RASGRP1: variants seen among roughly 807,000 people sequenced by gnomAD.
RASGRP1 encodes the protein RAS guanyl releasing protein 1.
In RASGRP1, 37 loss-of-function variants were observed where a neutral mutation model predicts 95.1. The ratio of observed to expected loss-of-function variants is 0.39; its 90% CI spans 0.30 to 0.51. RASGRP1 has a LOEUF of 0.51. Ranked by LOEUF, RASGRP1 falls within the 20% of genes least tolerant of loss-of-function variation. The pLI is 0.80. For missense variants in RASGRP1, 711 were observed against 965.4 expected (o/e 0.74, Z 3.49); for synonymous variants, 325 against 353.4 (o/e 0.92, Z 0.90).
intron 2 of RASGRP1, among the ~76,000 whole-genome samples, chr15:38,557,629 G>A (rs866252160): frequency 6.4e-4 from 95 of 147,448 alleles, no homozygotes; most frequent in South Asian, 1.7e-3. Context: ...GTGTGTGTGT[G>A]TATATATATA....
chr15:38,488,777 A>G lies in RASGRP1; in HGVS notation c.*1777T>C, dbSNP rs943336652. The G allele has an allele frequency of 3.3e-5, 5 of 152,000 alleles. No homozygotes were observed. Among genetic ancestry groups the G allele is most frequent in the African/African-American group, 9.7e-5 (4 of 41,438 alleles). The allele number at this position is 152,000 out of a possible 1,614,324, so 9.4% of individuals were successfully genotyped here. A position where few individuals can be genotyped will look rare whatever the true frequency, so the allele number is the denominator to read the frequency against. ...AAAACAAGAATAGTGAAGAATATGA[A>G]TTTTTAGAGTTTGTCCTAACTCATG... On this transcript the variant is annotated 3_prime_UTR_variant, in exon 17 of 17. Transcript: ENST00000310803.
intron 3 of RASGRP1, among the ~76,000 whole-genome samples, chr15:38,521,345 G>A (rs564552569): frequency 1.3e-5 from 2 of 152,214 alleles, no homozygotes; most frequent in African/African-American, 2.4e-5. Flanking sequence ...ACATTAAATC[G>A]ACATGGTGAC....
Position 38,513,001 on chromosome 15 carries a change from T to C in RASGRP1, c.676-45A>G, listed in dbSNP as rs1431940052. 2.7e-5 allele frequency: 39 copies of C among 1,426,988 alleles called. No individual in the cohort carries two copies. In the Middle Eastern group the frequency reaches 7.1e-4, roughly 26 times the overall value. The allele number at this position is 1,426,988 out of a possible 1,614,324, so 88.4% of individuals were successfully genotyped here. ...AACAACAAAAAAAACCTATCAGTACTGTACTCTGGTATTCCAGAAGATTTA... is the reference window on the plus strand; with the variant it reads ...AACAACAAAAAAAACCTATCAGTACCGTACTCTGGTATTCCAGAAGATTTA... On this transcript the variant is annotated intron_variant, in intron 6 of 16. Coordinates refer to ENST00000310803, the MANE Select transcript of RASGRP1 (RefSeq NM_005739.4).
In RASGRP1 at chr15:38,546,430, G is replaced by A. The variant is rs140283969; in HGVS notation, c.220+13391C>T. 8.5e-3 allele frequency among the ~76,000 whole-genome samples: 1,293 copies of A among 152,240 alleles called. 19 individuals are homozygous for A. Among genetic ancestry groups the A allele is most frequent in the African/African-American group, 0.029 (1,208 of 41,522 alleles). ...TTTAGTAGAGACGGAGTTTCACCATGTTGGCCAGGATGGTTTCGATCTCTT... is the reference window on the plus strand; with the variant it reads ...TTTAGTAGAGACGGAGTTTCACCATATTGGCCAGGATGGTTTCGATCTCTT... On this transcript the variant is annotated intron_variant, in intron 2 of 16. Transcript: ENST00000310803.
rs114373303 is a variant in RASGRP1 at position 38,508,330 on chromosome 15, G to C, written c.967-329C>G. Reference sequence around the variant, plus strand: ...TGATACAAAAATTAAAAAGGTACAAGAATATATAGTGAACACTATCCCTCT... The same window carrying C: ...TGATACAAAAATTAAAAAGGTACAACAATATATAGTGAACACTATCCCTCT... On this transcript the variant is annotated intron_variant, in intron 8 of 16. Transcript: ENST00000310803. Among the ~76,000 whole-genome samples the C allele has an allele frequency of 4.0e-3, 613 of 152,228 alleles. 4 individuals carry two copies. Among genetic ancestry groups the C allele is most frequent in the African/African-American group, 0.013 (521 of 41,548 alleles).
At chr15:38,508,491 T>G (rs571088153) in intron 8 of RASGRP1, among the ~76,000 whole-genome samples, 3 of 152,282 alleles carry the variant, frequency 2.0e-5, no homozygotes, top group East Asian at 3.9e-4. Context: ...AGAGCATGTA[T>G]TTTAAGAGTG....
chr15:38,501,212 C>T lies in RASGRP1; in HGVS notation c.1614G>A (p.Leu538=). ...TCTCTTGGAAGTTGTGAGGAAAGCC[C>T]AGGCCCAGCTTGGAATAGATTGAGC... ...RASSIYSKLG[L]GFPHNFQETT... is the part of the protein sequence containing the mutation. Residue 538 remains leucine, a synonymous_variant, in exon 13 of 17, where the codon CTG becomes CTA. Transcript: ENST00000310803. The T allele has an allele frequency of 6.2e-7, 1 of 1,613,188 alleles. No individual in the cohort carries two copies. The highest frequency in any genetic ancestry group is 1.7e-5 in the Admixed American group (1 of 59,962).
chr15:38,515,908 AGAGT>A (rs1317373742), intron 6 of RASGRP1, among the ~76,000 whole-genome samples: 40 of 116,222 alleles, frequency 3.4e-4, no homozygotes, highest in Admixed American at 6.7e-4. Flanking sequence ...AGAGAGAGAG[AGAGT>A]GTGTGTGTGT....
At chr15:38,502,712 A>C (rs1891086565) in intron 11 of RASGRP1, 2 of 280,738 alleles carry the variant, frequency 7.1e-6, no homozygotes, top group Non-Finnish European at 1.3e-5. Flanking sequence ...TTCTCCTTTC[A>C]CTCTACCCTT....
rs1566905159 is a variant in RASGRP1 at position 38,490,419 on chromosome 15, TAAAC to T, written c.*131_*134del. On this transcript the variant is annotated 3_prime_UTR_variant, in exon 17 of 17. Coordinates refer to ENST00000310803, the MANE Select transcript of RASGRP1 (RefSeq NM_005739.4). ...GCACATTAGGAATCTTTTAGGTAAA[TAAAC>T]AGTAACAGGCTTTTCCTTTTAAAGT... 5.6e-6 allele frequency: 5 copies of T among 889,922 alleles called. No homozygotes were observed. The highest frequency in any genetic ancestry group is 3.5e-5 in the South Asian group (1 of 28,978). 55.1% of individuals were successfully genotyped at this position (889,922 alleles called of 1,614,324 possible).
At chr15:38,555,875 T>TG (rs1202840019) in intron 2 of RASGRP1, among the ~76,000 whole-genome samples, 5 of 152,178 alleles carry the variant, frequency 3.3e-5, no homozygotes, top group Admixed American at 1.3e-4. Flanking sequence ...GTATGTGTGT[T>TG]GGGGGGGCCC....
chr15:38,527,492 A>T (rs1475728712), intron 2 of RASGRP1, among the ~76,000 whole-genome samples: 1 of 152,094 alleles, frequency 6.6e-6, no homozygotes, highest in African/African-American at 2.4e-5. Context: ...CTGAGTGTTG[A>T]TAGTTTCTGG....
chr15:38,527,292 G>A (rs1892258327), intron 2 of RASGRP1, among the ~76,000 whole-genome samples: 1 of 152,136 alleles, frequency 6.6e-6, no homozygotes, highest in Non-Finnish European at 1.5e-5. Flanking sequence ...CAAGAGACTG[G>A]GAGTGGAGGG....
At chr15:38,500,350 T>TG (rs1370908892) in intron 13 of RASGRP1, among the ~76,000 whole-genome samples, 5 of 150,046 alleles carry the variant, frequency 3.3e-5, no homozygotes, top group African/African-American at 1.3e-4. Flanking sequence ...TTTTTTTTGT[T>TG]TTGTTTTTTT....
At chr15:38,504,146 C>G (rs1238459934) in intron 10 of RASGRP1, 1 of 152,018 alleles carries the variant, frequency 6.6e-6, no homozygotes, top group African/African-American at 2.4e-5. Context: ...ATAGAGCTTT[C>G]AAGATTAGAA....
At chr15:38,515,887 C>CAG (rs34032922) in intron 6 of RASGRP1, among the ~76,000 whole-genome samples, 31,429 of 140,666 alleles carry the variant, frequency 0.22, 3,696 homozygotes, top group East Asian at 0.5. Context: ...ATGAGAGAGA[C>CAG]AGAGAGAGAG....
intron 9 of RASGRP1, 97 bp downstream of exon 9, chr15:38,507,629 C>T: frequency 7.4e-7 from 1 of 1,353,716 alleles, no homozygotes; most frequent in Non-Finnish European, 1.0e-6. Context: ...TTCATAGAGC[C>T]TTTATGAGGA....
intron 2 of RASGRP1, among the ~76,000 whole-genome samples, chr15:38,558,820 G>A (rs1893683657): frequency 6.6e-6 from 1 of 152,194 alleles, no homozygotes; most frequent in Admixed American, 6.5e-5. Context: ...TAAGGTCTGA[G>A]CAAGCACTTA....
intron 3 of RASGRP1, chr15:38,524,086 A>G (rs28579393): frequency 0.5 from 75,999 of 152,040 alleles, 19,485 homozygotes; most frequent in East Asian, 0.71. Context: ...AACCTAAGAA[A>G]AATGGTTTAG....
Sources: gnomAD v4.1 joint callset for allele counts (sites outside exome capture counted in the v4.1 genomes callset) on GRCh38, gnomAD v4.1.1 for gene constraint, MANE v1.5 for transcripts, NCBI Gene and HGNC (gene_info 2026-07-23, HGNC 2026-07-21) for gene names.